Variants in TBC1D2B observed in about 807,000 individuals in gnomAD.
TBC1D2B encodes TBC1 domain family member 2B.
TBC1D2B carries 64 observed loss-of-function variants against 100.8 expected under a neutral mutation model. That is an observed-to-expected ratio of 0.64 (90% confidence interval 0.52 to 0.78). TBC1D2B has a LOEUF of 0.78. Among genes scored for constraint, TBC1D2B ranks in the 30% least tolerant of loss-of-function variants. The pLI, the probability that TBC1D2B is intolerant of heterozygous loss-of-function variation, is 0.00. For synonymous variants in TBC1D2B, 480 were observed against 479.7 expected (o/e 1.00, Z -0.01); for missense variants, 1,052 against 1,218.4 (o/e 0.86, Z 2.03).
intron 3 of TBC1D2B, among the ~76,000 whole-genome samples, chr15:78,031,333 C>T (rs1376524342): frequency 6.6e-6 from 1 of 152,034 alleles, no homozygotes; most frequent in Non-Finnish European, 1.5e-5. Context: ...GTGGGCATAT[C>T]ACCTGAGGTC....
At chr15:78,036,568 G>A (rs1469170891) in intron 3 of TBC1D2B, among the ~76,000 whole-genome samples, 2 of 152,170 alleles carry the variant, frequency 1.3e-5, no homozygotes, top group African/African-American at 4.8e-5. Context: ...GGCAGCCACA[G>A]GCCAAGGAAT....
At chr15:78,027,583 G>A (rs1279776543) in intron 4 of TBC1D2B, among the ~76,000 whole-genome samples, 1 of 152,154 alleles carries the variant, frequency 6.6e-6, no homozygotes, top group Non-Finnish European at 1.5e-5. Context: ...CCTCAAAGGG[G>A]ATGAAGGGTT....
chr15:78,024,369 C>T lies in TBC1D2B; in HGVS notation c.1257G>A (p.Lys419=), dbSNP rs1170347912. The T allele has an allele frequency of 9.3e-6, 15 of 1,614,096 alleles. No homozygotes were observed. Among genetic ancestry groups the T allele is most frequent in the Non-Finnish European group, 1.3e-5 (15 of 1,179,904 alleles). Reference sequence around the variant, plus strand: ...TCCTTACTTCCTGCTGAAGACTCTCCTTCTCCAAGCTGAACCTCTCCAGCT... The same window carrying T: ...TCCTTACTTCCTGCTGAAGACTCTCTTTCTCCAAGCTGAACCTCTCCAGCT... ...TSQLERFSLE[K]ESLQQEVRTL... Residue 419 remains lysine (K), a synonymous_variant, in exon 6 of 13, where the codon AAG becomes AAA. Coordinates refer to ENST00000300584, the MANE Select transcript of TBC1D2B (RefSeq NM_144572.2).
At chr15:78,059,515 C>A (rs1328010510) in intron 1 of TBC1D2B, among the ~76,000 whole-genome samples, 1 of 152,202 alleles carries the variant, frequency 6.6e-6, no homozygotes, top group Admixed American at 6.5e-5. Flanking sequence ...CACAATTCTA[C>A]AGGACAGCCA....
chr15:78,016,800 G>T, intron 7 of TBC1D2B, 61 bp from the exon 8 acceptor site: 1 of 1,359,050 alleles, frequency 7.4e-7, no homozygotes, highest in Non-Finnish European at 9.8e-7. Context: ...CAATCTTTAG[G>T]TACGCAAATG....
At position 78,023,602 on chromosome 15, in the gene TBC1D2B, C is replaced by T. The variant is rs952962264; in HGVS notation, c.1470+554G>A. Among the ~76,000 whole-genome samples, 12 of 152,308 alleles carry T rather than the reference C, an allele frequency of 7.9e-5. No individual in the cohort carries two copies. The South Asian group carries it at 2.3e-3, about 29-fold the overall frequency. ...CTAAGGGCTAGCCCAGAGAAGGACA[C>T]GGGGAGGAAAGCTGTCCTTCCTACT... is the stretch of plus-strand genomic sequence containing the variant. On this transcript the variant is annotated intron_variant, in intron 6 of 12. Transcript: ENST00000300584.
At chr15:78,004,836 T>C (rs532636014) in intron 10 of TBC1D2B, among the ~76,000 whole-genome samples, 50 of 152,356 alleles carry the variant, frequency 3.3e-4, no homozygotes, top group Middle Eastern at 6.8e-3. Context: ...CTGTGAATAC[T>C]GTATTTTCAA....
At chr15:78,046,179 G>A (rs1329987778) in intron 2 of TBC1D2B, among the ~76,000 whole-genome samples, 3 of 152,112 alleles carry the variant, frequency 2.0e-5, no homozygotes, top group African/African-American at 7.2e-5. Flanking sequence ...TGATCCACCC[G>A]TCTCGGCCTC....
At chr15:78,040,878 G>GAAAGAAAGAAAGAAAGAAAC (rs1567026244) in intron 3 of TBC1D2B, among the ~76,000 whole-genome samples, 1 of 145,312 alleles carries the variant, frequency 6.9e-6, no homozygotes, top group Non-Finnish European at 1.5e-5. Context: ...AAGAAAGAAA[G>GAAAGAAAGAAAGAAAGAAAC]AAAGAGAGAG....
rs367890341 is a variant in TBC1D2B, at chr15:78,065,661, T to C, written c.361-11474A>G. Among the ~76,000 whole-genome samples the C allele has an allele frequency of 8.5e-5, 13 of 152,266 alleles. No individual in the cohort carries two copies. In the South Asian group the frequency reaches 1.0e-3, roughly 12 times the overall value. On this transcript the variant is annotated intron_variant, in intron 1 of 12. Coordinates refer to ENST00000300584, the MANE Select transcript of TBC1D2B (RefSeq NM_144572.2). ...TCCTGCAGCCACAGCCTGTAGCCTA[T>C]TGGATGGTCTTGCTCCACCTCTGCC...
intron 6 of TBC1D2B, among the ~76,000 whole-genome samples, chr15:78,020,013 C>A (rs1439127646): frequency 2.6e-5 from 4 of 152,146 alleles, no homozygotes; most frequent in Non-Finnish European, 5.9e-5. Context: ...CCTCAACCTC[C>A]TGAGTAGCTA....
rs1300135506 is a variant in TBC1D2B, at chr15:77,996,417, G to A, written c.*1743C>T. 2.2e-5 allele frequency: 1 copy of A among 46,136 alleles called. No individual in the cohort carries two copies. The highest frequency in any genetic ancestry group is 4.7e-5 in the African/African-American group (1 of 21,264). 2.9% of individuals were successfully genotyped at this position (46,136 alleles called of 1,614,324 possible). A position where few individuals can be genotyped will look rare whatever the true frequency, so the allele number is the denominator to read the frequency against. ...AGGCTGACAGCTGTCGTTTCACGAT[G>A]GGCTGAGGGGTGGGGGGGGTTCCAA... On this transcript the variant is annotated 3_prime_UTR_variant, in exon 13 of 13. Coordinates refer to ENST00000300584, the MANE Select transcript of TBC1D2B (RefSeq NM_144572.2).
intron 4 of TBC1D2B, among the ~76,000 whole-genome samples, chr15:78,026,911 A>G (rs2072684392): frequency 6.6e-6 from 1 of 151,946 alleles, no homozygotes; most frequent in African/African-American, 2.4e-5. Flanking sequence ...CAAAAAAAAA[A>G]AAAAAAGAGT....
At chr15:78,054,236 G>T (rs915871038) in intron 1 of TBC1D2B, 49 bp from the exon 2 acceptor site, 1 of 1,563,180 alleles carries the variant, frequency 6.4e-7, no homozygotes, top group African/African-American at 1.4e-5. Flanking sequence ...GTAATATGAA[G>T]AGCTTAAAAA....
intron 1 of TBC1D2B, among the ~76,000 whole-genome samples, chr15:78,054,614 C>A (rs2073382627): frequency 6.6e-6 from 1 of 152,100 alleles, no homozygotes. Context: ...TGAGAGTATA[C>A]AAAGAAAACT....
At chr15:78,068,344 C>T (rs979703013) in intron 1 of TBC1D2B, among the ~76,000 whole-genome samples, 4 of 149,890 alleles carry the variant, frequency 2.7e-5, no homozygotes, top group South Asian at 4.3e-4. Flanking sequence ...ACACTACAAA[C>T]GTCCGTTTCA....
chr15:78,007,016 G>A (rs2072085111), intron 10 of TBC1D2B, among the ~76,000 whole-genome samples: 1 of 152,250 alleles, frequency 6.6e-6, no homozygotes, highest in Non-Finnish European at 1.5e-5. Context: ...AACAGCAGCA[G>A]GGGCCCGTGC....
chr15:78,076,622 C>A (rs924664786), intron 1 of TBC1D2B, among the ~76,000 whole-genome samples: 1 of 151,978 alleles, frequency 6.6e-6, no homozygotes, highest in Non-Finnish European at 1.5e-5. Context: ...CGTGGTGGCC[C>A]GCACCTGTGG....
chr15:78,002,437 C>T (rs2071939794), intron 11 of TBC1D2B: 1 of 151,754 alleles, frequency 6.6e-6, no homozygotes, highest in African/African-American at 2.4e-5. Flanking sequence ...CCACCTCGGC[C>T]TCCCAAAGTG....
Sources: allele counts gnomAD v4.1 joint callset (sites outside exome capture counted in the v4.1 genomes callset), GRCh38; gene constraint gnomAD v4.1.1; transcripts MANE v1.5; gene names NCBI Gene and HGNC (gene_info 2026-07-23, HGNC 2026-07-21).